The following PTPRQ variants were observed in gnomAD, a reference collection of about 807,000 sequenced individuals.
PTPRQ encodes phosphatidylinositol phosphatase PTPRQ.
PTPRQ carries 199 observed loss-of-function variants against 246.0 expected under a neutral mutation model. The ratio of observed to expected loss-of-function variants is 0.81; its 90% CI spans 0.72 to 0.91. The LOEUF (loss-of-function observed/expected upper bound fraction) is 0.91, where lower values mean the gene tolerates loss of function less well. Ranked by LOEUF, PTPRQ falls within the 40% of genes least tolerant of loss-of-function variation. PTPRQ has a pLI of 0.00. For synonymous variants in PTPRQ, 869 were observed against 853.2 expected, an observed-to-expected ratio of 1.02 and a Z score of -0.32; for missense variants, 2,624 against 2,528.4, an observed-to-expected ratio of 1.04 and a Z score of -0.81.
chr12:80,655,990 A>G (rs77858949), intron 38 of PTPRQ, among the ~76,000 whole-genome samples: 2,597 of 152,324 alleles, frequency 0.017, 59 homozygotes, highest in African/African-American at 0.056. Flanking sequence ...TGACCTTCAG[A>G]AATATTCCAA....
intron 25 of PTPRQ, among the ~76,000 whole-genome samples, chr12:80,578,452 G>C (rs1897334626): frequency 6.6e-6 from 1 of 151,736 alleles, no homozygotes; most frequent in Admixed American, 6.6e-5. Context: ...GTGCAGTGGC[G>C]CGATCTGGGC....
In PTPRQ at chr12:80,565,489, C is replaced by A. The variant is rs143756639; in HGVS notation, c.4285+15755C>A. Among the ~76,000 whole-genome samples, 320 of 152,264 alleles carry A rather than the reference C, an allele frequency of 2.1e-3. 1 individual carries two copies. Among genetic ancestry groups the A allele is most frequent in the African/African-American group, 7.3e-3 (304 of 41,536 alleles). ...ACAGCCTTTACATATCAACCTCCTC[C>A]CCTATTTTTTTTCTTATTCTCTTTT... On this transcript the variant is annotated intron_variant, in intron 25 of 44. Transcript: ENST00000644991.
chr12:80,475,713 TA>T (rs1209408539), intron 8 of PTPRQ, among the ~76,000 whole-genome samples: 1 of 152,090 alleles, frequency 6.6e-6, no homozygotes, highest in Non-Finnish European at 1.5e-5. Context: ...AGGTACATTT[TA>T]AGGTAATATA....
At chr12:80,522,385 A>G (rs1156466376) in intron 17 of PTPRQ, among the ~76,000 whole-genome samples, 1 of 152,122 alleles carries the variant, frequency 6.6e-6, no homozygotes. Flanking sequence ...CCTGGCCAGA[A>G]CTTCCAACAC....
At chr12:80,501,383 G>A (rs539201945) in intron 14 of PTPRQ, among the ~76,000 whole-genome samples, 2 of 152,108 alleles carry the variant, frequency 1.3e-5, no homozygotes, top group African/African-American at 4.8e-5. Context: ...GTGAGTGGTA[G>A]TGCCATTTAC....
At chr12:80,674,477 C>A (rs1901071817) in intron 43 of PTPRQ, among the ~76,000 whole-genome samples, 2 of 152,092 alleles carry the variant, frequency 1.3e-5, no homozygotes, top group Non-Finnish European at 2.9e-5. Flanking sequence ...CCTGTAATAC[C>A]ATGTCATGGA....
At chr12:80,559,527 A>T (rs1033414515) in intron 25 of PTPRQ, among the ~76,000 whole-genome samples, 7 of 152,196 alleles carry the variant, frequency 4.6e-5, no homozygotes, top group Non-Finnish European at 1.0e-4. Context: ...TTTGAAGCTT[A>T]GTATGTTGCT....
At chr12:80,479,978 A>C (rs1429637523) in intron 8 of PTPRQ, among the ~76,000 whole-genome samples, 8 of 152,026 alleles carry the variant, frequency 5.3e-5, no homozygotes, top group Non-Finnish European at 8.8e-5. Flanking sequence ...ACAGAAAGTC[A>C]ACAAGGATAC....
chr12:80,618,763 G>C (rs1323386812), intron 30 of PTPRQ, among the ~76,000 whole-genome samples: 2 of 151,448 alleles, frequency 1.3e-5, no homozygotes, highest in Non-Finnish European at 3.0e-5. Flanking sequence ...AGTTAGCTCT[G>C]TACCTGGTCA....
chr12:80,573,387 G>T (rs1449487361), intron 25 of PTPRQ, among the ~76,000 whole-genome samples: 2 of 152,036 alleles, frequency 1.3e-5, no homozygotes, highest in African/African-American at 4.8e-5. Context: ...TACTCGGGAG[G>T]CTGAGGCAGG....
rs1305471430 is a variant in PTPRQ at position 80,622,182 on chromosome 12, G to GT, written c.5686+50dup. The GT allele has an allele frequency of 2.2e-5, 28 of 1,277,846 alleles. No individual in the cohort carries two copies. In the African/African-American group the frequency reaches 4.4e-4, roughly 20 times the overall value. 79.2% of individuals were successfully genotyped at this position (1,277,846 alleles called of 1,614,324 possible). A position where few individuals can be genotyped will look rare whatever the true frequency, so the allele number is the denominator to read the frequency against. On this transcript the variant is annotated intron_variant, in intron 33 of 44. Coordinates refer to ENST00000644991, the MANE Select transcript of PTPRQ (RefSeq NM_001145026.2). Reference sequence around the variant, plus strand: ...TTATAATCTCAACATATTTATCAAAGTTGGAACATTTATTAGTAAATGTAT... The same window carrying GT: ...TTATAATCTCAACATATTTATCAAAGTTTGGAACATTTATTAGTAAATGTAT...
chr12:80,640,042 G>T (rs1366123725), intron 35 of PTPRQ, among the ~76,000 whole-genome samples: 1 of 150,690 alleles, frequency 6.6e-6, no homozygotes, highest in African/African-American at 2.4e-5. Context: ...GTGTGTGTGT[G>T]TGTGTGTGTG....
intron 39 of PTPRQ, among the ~76,000 whole-genome samples, chr12:80,663,880 C>G (rs1036391593): frequency 6.6e-6 from 1 of 151,832 alleles, no homozygotes; most frequent in Non-Finnish European, 1.5e-5. Context: ...ATTCTTCAAC[C>G]CTGCTCTGCC....
intron 7 of PTPRQ, among the ~76,000 whole-genome samples, chr12:80,470,714 G>C (rs73345975): frequency 0.09 from 13,686 of 152,140 alleles, 1,292 homozygotes; most frequent in African/African-American, 0.24. Flanking sequence ...TGGAAATCAA[G>C]TGGTGAGGGG....
At chr12:80,666,983 C>A (rs1006386585) in intron 39 of PTPRQ, among the ~76,000 whole-genome samples, 1 of 152,010 alleles carries the variant, frequency 6.6e-6, no homozygotes, top group Non-Finnish European at 1.5e-5. Flanking sequence ...TGGAAGCCCA[C>A]GTGAAACTGT....
chr12:80,655,163 G>A (rs1592764006), intron 38 of PTPRQ, among the ~76,000 whole-genome samples: 1 of 152,012 alleles, frequency 6.6e-6, no homozygotes, highest in Non-Finnish European at 1.5e-5. Context: ...AAAGGACCGA[G>A]GAGTATGACT....
chr12:80,535,030 T>G lies in PTPRQ; in HGVS notation c.2978T>G (p.Phe993Cys). The G allele has an allele frequency of 2.0e-6, 3 of 1,527,528 alleles. No individual in the cohort carries two copies. Among genetic ancestry groups the G allele is most frequent in the Non-Finnish European group, 2.6e-6 (3 of 1,139,456 alleles). The allele number at this position is 1,527,528 out of a possible 1,614,324, so 94.6% of individuals were successfully genotyped here. Residue 993 changes from phenylalanine (F) to cysteine (C), a missense_variant, in exon 19 of 45, where the codon TTT (phenylalanine) becomes TGT (cysteine). Transcript: ENST00000644991. ...SVYYRNTSGTFMQNFTLHEVT... is the reference protein window; with the variant it reads ...SVYYRNTSGTCMQNFTLHEVT... Reference sequence around the variant, plus strand: ...TATTACAGAAATACTTCAGGTACTTTTATGCAGGTAAGAACTGAATTTTCT... The same window carrying G: ...TATTACAGAAATACTTCAGGTACTTGTATGCAGGTAAGAACTGAATTTTCT...
At chr12:80,638,625 G>C (rs1899744753) in intron 35 of PTPRQ, among the ~76,000 whole-genome samples, 1 of 151,974 alleles carries the variant, frequency 6.6e-6, no homozygotes, top group Non-Finnish European at 1.5e-5. Context: ...TGTAATTTTT[G>C]TTATTTGTAA....
intron 25 of PTPRQ, among the ~76,000 whole-genome samples, chr12:80,579,997 G>T (rs568872421): frequency 2.0e-5 from 3 of 152,164 alleles, no homozygotes; most frequent in Admixed American, 2.0e-4. Flanking sequence ...ATTTAAACTT[G>T]GTCATCCAAC....
Sources: allele counts gnomAD v4.1 joint callset (sites outside exome capture counted in the v4.1 genomes callset), GRCh38; gene constraint gnomAD v4.1.1; transcripts MANE v1.5; gene names NCBI Gene and HGNC (gene_info 2026-07-23, HGNC 2026-07-21).